The following SLC39A11 variants were observed in gnomAD, a reference collection of about 807,000 sequenced individuals.
SLC39A11 encodes the protein solute carrier family 39 member 11.
In SLC39A11, 33 loss-of-function variants were observed where a neutral mutation model predicts 36.1. That is an observed-to-expected ratio of 0.91 (90% CI 0.69 to 1.22). The LOEUF is 1.22. Ranked by LOEUF, SLC39A11 falls within the 50% of genes most tolerant of loss-of-function variation. SLC39A11 has a pLI of 0.00. For missense variants in SLC39A11, 432 were observed against 430.3 expected, an observed-to-expected ratio of 1.00 and a Z score of -0.03; for synonymous variants, 166 against 170.3, an observed-to-expected ratio of 0.97 and a Z score of 0.20.
At chr17:73,016,690 T>C (rs2058179551) in intron 4 of SLC39A11, among the ~76,000 whole-genome samples, 1 of 152,126 alleles carries the variant, frequency 6.6e-6, no homozygotes, top group South Asian at 2.1e-4. Context: ...AAAGAAGTGA[T>C]TTGCTAAATG....
intron 6 of SLC39A11, among the ~76,000 whole-genome samples, chr17:72,794,964 A>T (rs1283432466): frequency 6.6e-6 from 1 of 152,266 alleles, no homozygotes; most frequent in Middle Eastern, 3.4e-3. Context: ...TGCCACCAGA[A>T]TTCTGAGGGC....
chr17:72,662,645 A>AAG (rs373566908), intron 7 of SLC39A11, among the ~76,000 whole-genome samples: 12 of 147,540 alleles, frequency 8.1e-5, no homozygotes, highest in Non-Finnish European at 1.5e-4. Context: ...GAGAGAAAGA[A>AAG]AAAGAAAAAA....
chr17:72,680,417 A>G (rs2071461930), intron 7 of SLC39A11, among the ~76,000 whole-genome samples: 1 of 152,192 alleles, frequency 6.6e-6, no homozygotes, highest in South Asian at 2.1e-4. Flanking sequence ...CCTGGTGGGA[A>G]GTAATTGAAT....
chr17:73,028,490 T>G (rs1423261322), intron 4 of SLC39A11, among the ~76,000 whole-genome samples: 1 of 152,230 alleles, frequency 6.6e-6, no homozygotes, highest in Non-Finnish European at 1.5e-5. Flanking sequence ...AACATTTGTA[T>G]TCACTGACTG....
intron 4 of SLC39A11, among the ~76,000 whole-genome samples, chr17:72,990,786 C>A (rs2089120275): frequency 6.6e-6 from 1 of 152,130 alleles, no homozygotes; most frequent in Non-Finnish European, 1.5e-5. Flanking sequence ...ACACTAAAAT[C>A]TTACAGTGTA....
intron 6 of SLC39A11, among the ~76,000 whole-genome samples, chr17:72,827,586 C>T (rs1344296803): frequency 6.6e-6 from 1 of 152,180 alleles, no homozygotes; most frequent in Non-Finnish European, 1.5e-5. Context: ...TCCTCTACCC[C>T]AGGTGGGGAG....
At position 72,956,064 on chromosome 17, in the gene SLC39A11, C is replaced by G. The variant is rs1263929622; in HGVS notation, c.307-8189G>C. On this transcript the variant is annotated intron_variant, in intron 4 of 9. Coordinates refer to ENST00000255559, the MANE Select transcript of SLC39A11 (RefSeq NM_139177.4). The stretch of plus-strand genomic sequence containing the variant: ...GGCATAAATAGTCAGAGTGGGACAG[C>G]CTAGCTCACTCCCTTTTAAGGTAAG... Among the ~76,000 whole-genome samples, 47 of 152,128 alleles carry G rather than the reference C, an allele frequency of 3.1e-4. 1 individual carries two copies. The highest frequency in any genetic ancestry group is 3.1e-3 in the Admixed American group (47 of 15,274).
At chr17:72,672,835 T>G (rs150224980) in intron 7 of SLC39A11, among the ~76,000 whole-genome samples, 1 of 152,262 alleles carries the variant, frequency 6.6e-6, no homozygotes, top group Non-Finnish European at 1.5e-5. Context: ...AACTGAACTC[T>G]GGGGCTCAAA....
intron 6 of SLC39A11, among the ~76,000 whole-genome samples, chr17:72,789,107 T>G (rs1052906291): frequency 6.6e-6 from 1 of 151,612 alleles, no homozygotes; most frequent in African/African-American, 2.4e-5. Context: ...CAATCTCAGC[T>G]CACTGCAACC....
intron 7 of SLC39A11, among the ~76,000 whole-genome samples, chr17:72,662,720 A>AAG (rs372072530): frequency 6.7e-6 from 1 of 150,082 alleles, no homozygotes; most frequent in East Asian, 2.0e-4. Flanking sequence ...AAAGAGAAGA[A>AAG]AGAGAGAGAG....
chr17:72,697,826 G>A (rs1176617442), intron 7 of SLC39A11, among the ~76,000 whole-genome samples: 1 of 151,760 alleles, frequency 6.6e-6, no homozygotes, highest in Non-Finnish European at 1.5e-5. Flanking sequence ...ACGTGGATGG[G>A]CTCAGGAAGG....
At chr17:72,984,313 G>A (rs1394140874) in intron 4 of SLC39A11, among the ~76,000 whole-genome samples, 1 of 151,820 alleles carries the variant, frequency 6.6e-6, no homozygotes. Flanking sequence ...AGACCTGAAG[G>A]GGCTTGGTCA....
At chr17:72,705,903 A>C (rs555253348) in intron 7 of SLC39A11, among the ~76,000 whole-genome samples, 4 of 152,336 alleles carry the variant, frequency 2.6e-5, no homozygotes, top group African/African-American at 9.6e-5. Context: ...GGATCCAGAG[A>C]GTAAAGATCA....
intron 5 of SLC39A11, among the ~76,000 whole-genome samples, chr17:72,874,033 C>T (rs1019345228): frequency 5.3e-5 from 8 of 152,166 alleles, no homozygotes; most frequent in South Asian, 2.1e-4. Context: ...TCCCCAGGCA[C>T]GCTGAACTGT....
intron 4 of SLC39A11, among the ~76,000 whole-genome samples, chr17:72,978,755 T>G (rs556681279): frequency 2.6e-5 from 4 of 152,036 alleles, no homozygotes; most frequent in African/African-American, 9.6e-5. Flanking sequence ...ACAGGATGGG[T>G]CCACAAGACC....
chr17:72,742,517 C>A (rs1339549876), intron 6 of SLC39A11, among the ~76,000 whole-genome samples: 1 of 152,032 alleles, frequency 6.6e-6, no homozygotes, highest in African/African-American at 2.4e-5. Flanking sequence ...CTGCAAGGCA[C>A]AGATCTTCAC....
chr17:72,784,330 G>C (rs2076424917), intron 6 of SLC39A11, among the ~76,000 whole-genome samples: 1 of 152,172 alleles, frequency 6.6e-6, no homozygotes, highest in Non-Finnish European at 1.5e-5. Flanking sequence ...GGGCAAGAGA[G>C]AGAGACTCTG....
rs180826649 is a variant in SLC39A11, at chr17:72,892,824, A to G, written c.431-43020T>C. Reference sequence around the variant, plus strand: ...TTCAGATTTGACAGCCATTTCCCGCATAACTCCTTCCTCCAACTGACTTGT... The same window carrying G: ...TTCAGATTTGACAGCCATTTCCCGCGTAACTCCTTCCTCCAACTGACTTGT... On this transcript the variant is annotated intron_variant, in intron 5 of 9. Transcript: ENST00000255559. Among the ~76,000 whole-genome samples, 17 of 152,366 alleles carry G rather than the reference A, an allele frequency of 1.1e-4. No homozygotes were observed. In the East Asian group the frequency reaches 3.3e-3, roughly 29 times the overall value.
At chr17:72,934,032 A>G (rs2084591004) in intron 5 of SLC39A11, among the ~76,000 whole-genome samples, 1 of 147,786 alleles carries the variant, frequency 6.8e-6, no homozygotes, top group Non-Finnish European at 1.5e-5. Context: ...CATCCATATG[A>G]AAAAAAAAAA....
Sources: gnomAD v4.1 joint callset for allele counts (sites outside exome capture counted in the v4.1 genomes callset) on GRCh38, gnomAD v4.1.1 for gene constraint, MANE v1.5 for transcripts, NCBI Gene and HGNC (gene_info 2026-07-23, HGNC 2026-07-21) for gene names.